The following HSD17B3 variants were observed in gnomAD, a reference collection of about 807,000 sequenced individuals.
HSD17B3 encodes the protein hydroxysteroid 17-beta dehydrogenase 3.
Under a neutral mutation model 41.1 loss-of-function variants are expected in HSD17B3, and 29 were observed. That is an observed-to-expected ratio of 0.71 (90% confidence interval 0.53 to 0.96). The LOEUF is 0.96. Ranked by LOEUF, HSD17B3 falls within the 40% of genes least tolerant of loss-of-function variation. The pLI is 0.00. For missense variants in HSD17B3, 323 were observed against 374.6 expected, an observed-to-expected ratio of 0.86 and a Z score of 1.14; for synonymous variants, 126 against 145.6, an observed-to-expected ratio of 0.87 and a Z score of 0.97.
intron 9 of HSD17B3, among the ~76,000 whole-genome samples, chr9:96,241,961 A>AAAAGAAAGATAG (rs1836459403): frequency 9.9e-6 from 1 of 100,696 alleles, no homozygotes; most frequent in Non-Finnish European, 1.9e-5. Context: ...AAAGAACAGA[A>AAAAGAAAGATAG]AAAGAAAGAA....
At chr9:96,251,136 A>G (rs1211851071) in intron 5 of HSD17B3, 1 of 485,728 alleles carries the variant, frequency 2.1e-6, no homozygotes, top group Non-Finnish European at 3.7e-6. Flanking sequence ...CCCTTTATAA[A>G]GTAGAGTGCA....
chr9:96,235,812 T>A (rs1023432429), intron 10 of HSD17B3, among the ~76,000 whole-genome samples: 2 of 151,846 alleles, frequency 1.3e-5, no homozygotes, highest in African/African-American at 4.8e-5. Context: ...CCCTAAGGAT[T>A]TTTTTTTCTT....
At chr9:96,297,101 G>A (rs546534683) in intron 2 of HSD17B3, among the ~76,000 whole-genome samples, 154 of 151,592 alleles carry the variant, frequency 1.0e-3, no homozygotes, top group African/African-American at 3.6e-3. Flanking sequence ...AAAAATAATG[G>A]TATGTATAAT....
At chr9:96,266,413 C>T (rs985914874) in intron 2 of HSD17B3, among the ~76,000 whole-genome samples, 1 of 152,130 alleles carries the variant, frequency 6.6e-6, no homozygotes, top group Non-Finnish European at 1.5e-5. Flanking sequence ...GCTGAAACTA[C>T]AGGCATGCAC....
intron 2 of HSD17B3, among the ~76,000 whole-genome samples, chr9:96,293,520 T>TCCTCTC (rs895654419): frequency 6.6e-6 from 1 of 151,828 alleles, no homozygotes; most frequent in East Asian, 1.9e-4. Context: ...AACCTTTCTC[T>TCCTCTC]CCTCTCCCTC....
chr9:96,288,853 C>T (rs111876657), intron 2 of HSD17B3, among the ~76,000 whole-genome samples: 4,596 of 151,580 alleles, frequency 0.03, 224 homozygotes, highest in African/African-American at 0.1. Context: ...AGGAGAATGG[C>T]GTGAACCCGG....
At chr9:96,257,125 C>T (rs1490183140) in intron 2 of HSD17B3, among the ~76,000 whole-genome samples, 1 of 152,148 alleles carries the variant, frequency 6.6e-6, no homozygotes, top group African/African-American at 2.4e-5. Flanking sequence ...CATCATCCTT[C>T]CTGTACAAGC....
intron 2 of HSD17B3, among the ~76,000 whole-genome samples, chr9:96,280,048 C>T (rs866018915): frequency 2.6e-5 from 4 of 152,090 alleles, no homozygotes; most frequent in South Asian, 2.1e-4. Flanking sequence ...GGACTACAGG[C>T]GTGAGCCACT....
At chr9:96,239,247 A>C (rs1836341408) in intron 10 of HSD17B3, 1 of 152,302 alleles carries the variant, frequency 6.6e-6, no homozygotes, top group African/African-American at 2.4e-5. Context: ...TCCCAGCGCC[A>C]CCTAGTGAGA....
intron 9 of HSD17B3, among the ~76,000 whole-genome samples, chr9:96,243,777 C>T (rs763240851): frequency 2.0e-5 from 3 of 152,186 alleles, no homozygotes; most frequent in South Asian, 2.1e-4. Flanking sequence ...GTCATCTCCA[C>T]GATGACCTGT....
intron 2 of HSD17B3, among the ~76,000 whole-genome samples, chr9:96,291,956 C>CA (rs1564062677): frequency 6.8e-6 from 1 of 146,350 alleles, no homozygotes; most frequent in Non-Finnish European, 1.5e-5. Context: ...GACACCATCT[C>CA]AAAAAAAGAA....
At chr9:96,242,213 CT>C (rs1441526053) in intron 9 of HSD17B3, among the ~76,000 whole-genome samples, 1 of 152,118 alleles carries the variant, frequency 6.6e-6, no homozygotes, top group Non-Finnish European at 1.5e-5. Context: ...CAAAGTGTTA[CT>C]CTTTGAGAAA....
intron 2 of HSD17B3, among the ~76,000 whole-genome samples, chr9:96,267,552 A>C (rs1296005133): frequency 6.6e-6 from 1 of 152,204 alleles, no homozygotes; most frequent in Non-Finnish European, 1.5e-5. Flanking sequence ...ATGAAAATTC[A>C]AAAACGTAAA....
chr9:96,240,984 C>T lies in HSD17B3; in HGVS notation c.673-77G>A, dbSNP rs577949307. 7 of 1,524,996 alleles carry T rather than the reference C, an allele frequency of 4.6e-6. No homozygotes were observed. The South Asian group carries it at 6.7e-5, about 15-fold the overall frequency. The allele number at this position is 1,524,996 out of a possible 1,614,324, so 94.5% of individuals were successfully genotyped here. A position where few individuals can be genotyped will look rare whatever the true frequency, so the allele number is the denominator to read the frequency against. On this transcript the variant is annotated intron_variant, in intron 9 of 10. Transcript: ENST00000375263. The stretch of plus-strand genomic sequence containing the variant: ...AGACTCAGAAATTAACACTCAAGCC[C>T]CCATCCCACCATTTCCCGACCCTTC...
chr9:96,250,669 C>T (rs1038941933), intron 5 of HSD17B3, among the ~76,000 whole-genome samples: 3 of 152,050 alleles, frequency 2.0e-5, no homozygotes, highest in Admixed American at 6.6e-5. Flanking sequence ...GGTGGATTAC[C>T]TGAGGTCAGG....
At chr9:96,237,173 T>C (rs956055176) in intron 10 of HSD17B3, among the ~76,000 whole-genome samples, 1 of 152,216 alleles carries the variant, frequency 6.6e-6, no homozygotes, top group Non-Finnish European at 1.5e-5. Flanking sequence ...CTAAATGTTT[T>C]GCCATAGTGA....
At chr9:96,263,676 C>G (rs370899636) in intron 2 of HSD17B3, among the ~76,000 whole-genome samples, 15 of 152,080 alleles carry the variant, frequency 9.9e-5, no homozygotes, top group African/African-American at 3.6e-4. Flanking sequence ...TTGCAGTGAG[C>G]AGAGATTGTG....
intron 2 of HSD17B3, among the ~76,000 whole-genome samples, chr9:96,287,505 T>A (rs895431533): frequency 6.6e-6 from 1 of 151,678 alleles, no homozygotes; most frequent in African/African-American, 2.4e-5. Context: ...GGTCAGGAGA[T>A]CAAGACCATC....
intron 3 of HSD17B3, among the ~76,000 whole-genome samples, chr9:96,253,318 G>C (rs528692995): frequency 6.6e-6 from 1 of 152,228 alleles, no homozygotes; most frequent in South Asian, 2.1e-4. Flanking sequence ...GGACTCTGCT[G>C]CTTGCTCAAG....
Sources: gnomAD v4.1 joint callset for allele counts (sites outside exome capture counted in the v4.1 genomes callset) on GRCh38, gnomAD v4.1.1 for gene constraint, MANE v1.5 for transcripts, NCBI Gene and HGNC (gene_info 2026-07-23, HGNC 2026-07-21) for gene names.